Variants in NRG1 observed in about 807,000 individuals in gnomAD.
NRG1 encodes pro-neuregulin-1, membrane-bound isoform.
Under a neutral mutation model 63.8 loss-of-function variants are expected in NRG1, and 18 were observed. The observed-to-expected ratio is 0.28, with a 90% confidence interval of 0.19 to 0.42. The LOEUF is 0.42. Ranked by LOEUF, NRG1 falls within the 10% of genes least tolerant of loss-of-function variation. The probability of loss-of-function intolerance (pLI) is 1.00; values close to 1 mark genes in which losing one functional copy is unlikely to be tolerated. For synonymous variants in NRG1, 302 were observed against 301.3 expected (o/e 1.00, Z -0.02); for missense variants, 762 against 814.7 (o/e 0.94, Z 0.79).
intron 1 of NRG1, among the ~76,000 whole-genome samples, chr8:32,513,653 T>C (rs371808245): frequency 6.6e-6 from 1 of 152,294 alleles, no homozygotes; most frequent in African/African-American, 2.4e-5. Flanking sequence ...AGAAGTATCA[T>C]TGGATACAAA....
chr8:31,887,612 C>T (rs1249701120), intron 1 of NRG1, among the ~76,000 whole-genome samples: 2 of 152,004 alleles, frequency 1.3e-5, no homozygotes, highest in African/African-American at 4.8e-5. Flanking sequence ...GAACTGGGAG[C>T]AGTCCTAAGG....
At chr8:32,009,349 T>G (rs1178960963) in intron 1 of NRG1, among the ~76,000 whole-genome samples, 4 of 152,056 alleles carry the variant, frequency 2.6e-5, no homozygotes, top group Non-Finnish European at 5.9e-5. Flanking sequence ...ACACAATGGT[T>G]AACTTTACAT....
chr8:32,292,176 A>T (rs1854283088), intron 1 of NRG1, among the ~76,000 whole-genome samples: 3 of 152,212 alleles, frequency 2.0e-5, no homozygotes, highest in African/African-American at 7.2e-5. Flanking sequence ...TATGATCTTA[A>T]AACTATTTAT....
chr8:32,745,567 A>T (rs1264420839), intron 7 of NRG1, among the ~76,000 whole-genome samples: 1 of 152,150 alleles, frequency 6.6e-6, no homozygotes, highest in Non-Finnish European at 1.5e-5. Context: ...TATTTATAGT[A>T]CTTTCTAGGA....
chr8:32,394,815 A>G (rs865774929), intron 1 of NRG1, among the ~76,000 whole-genome samples: 1 of 152,174 alleles, frequency 6.6e-6, no homozygotes, highest in East Asian at 1.9e-4. Context: ...ACAAAAAAAC[A>G]GAAGTGTCAT....
intron 5 of NRG1, among the ~76,000 whole-genome samples, chr8:32,710,162 T>A (rs1401093032): frequency 7.9e-5 from 12 of 152,222 alleles, no homozygotes; most frequent in Admixed American, 7.9e-4. Context: ...GACCTATTTT[T>A]AAGAGTTTCT....
chr8:32,406,023 T>A (rs1007395472), intron 1 of NRG1, among the ~76,000 whole-genome samples: 1 of 152,150 alleles, frequency 6.6e-6, no homozygotes, highest in African/African-American at 2.4e-5. Context: ...GCCAGGGCAA[T>A]TGGGCTATGT....
At chr8:32,701,663 T>C (rs1380248063) in intron 5 of NRG1, among the ~76,000 whole-genome samples, 1 of 152,232 alleles carries the variant, frequency 6.6e-6, no homozygotes, top group Non-Finnish European at 1.5e-5. Context: ...AACTAAAAGA[T>C]GATTCACTTT....
At chr8:31,927,377 ATT>A (rs916875727) in intron 1 of NRG1, among the ~76,000 whole-genome samples, 1 of 148,834 alleles carries the variant, frequency 6.7e-6, no homozygotes, top group South Asian at 2.1e-4. Context: ...AGAAATCTGA[ATT>A]TTTTTTTCCT....
At chr8:31,857,930 T>C (rs559110290) in intron 1 of NRG1, among the ~76,000 whole-genome samples, 1 of 152,282 alleles carries the variant, frequency 6.6e-6, no homozygotes, top group South Asian at 2.1e-4. Flanking sequence ...GCCTTGAAGA[T>C]GAGGAGTGTA....
At chr8:32,006,903 T>C (rs1813869816) in intron 1 of NRG1, among the ~76,000 whole-genome samples, 1 of 152,010 alleles carries the variant, frequency 6.6e-6, no homozygotes, top group Non-Finnish European at 1.5e-5. Flanking sequence ...ACATGGGTGT[T>C]GTTTTAAGCC....
chr8:32,715,257 A>C (rs1417880102), intron 5 of NRG1, among the ~76,000 whole-genome samples: 1 of 152,106 alleles, frequency 6.6e-6, no homozygotes, highest in Non-Finnish European at 1.5e-5. Flanking sequence ...ACCCAACTGG[A>C]TTGCTGAATT....
chr8:32,086,003 C>G (rs1319582563), intron 1 of NRG1, among the ~76,000 whole-genome samples: 2 of 152,018 alleles, frequency 1.3e-5, no homozygotes, highest in Non-Finnish European at 2.9e-5. Context: ...AAGAGAGAAC[C>G]CTTCAGGTAG....
At chr8:31,948,014 G>C (rs1585992243) in intron 1 of NRG1, among the ~76,000 whole-genome samples, 1 of 139,318 alleles carries the variant, frequency 7.2e-6, no homozygotes, top group African/African-American at 2.7e-5. Context: ...TTAATTCTTT[G>C]ACTTAAATTA....
At chr8:32,169,280 T>A (rs1483013839) in intron 1 of NRG1, among the ~76,000 whole-genome samples, 1 of 152,196 alleles carries the variant, frequency 6.6e-6, no homozygotes, top group Non-Finnish European at 1.5e-5. Flanking sequence ...GTGGTCTTTT[T>A]CAGATACTAA....
chr8:32,653,696 C>A (rs1855649148), intron 5 of NRG1, among the ~76,000 whole-genome samples: 1 of 152,088 alleles, frequency 6.6e-6, no homozygotes, highest in Non-Finnish European at 1.5e-5. Flanking sequence ...ATTTTTGTTT[C>A]TATATTTTGC....
At chr8:31,732,545 G>A (rs1396580313) in intron 1 of NRG1, among the ~76,000 whole-genome samples, 1 of 152,018 alleles carries the variant, frequency 6.6e-6, no homozygotes, top group Non-Finnish European at 1.5e-5. Flanking sequence ...TTTGTTAGAT[G>A]GATAGATTGT....
intron 1 of NRG1, among the ~76,000 whole-genome samples, chr8:32,517,740 A>G (rs1172954559): frequency 6.6e-6 from 1 of 152,176 alleles, no homozygotes; most frequent in African/African-American, 2.4e-5. Context: ...GCTATTTATT[A>G]TATGTCATGT....
intron 1 of NRG1, among the ~76,000 whole-genome samples, chr8:32,541,353 T>C (rs1832553711): frequency 6.6e-6 from 1 of 152,144 alleles, no homozygotes; most frequent in Admixed American, 6.5e-5. Context: ...GTGGTATTAT[T>C]ACAATACATG....
Sources: gnomAD v4.1 joint callset for allele counts (sites outside exome capture counted in the v4.1 genomes callset) on GRCh38, gnomAD v4.1.1 for gene constraint, MANE v1.5 for transcripts, NCBI Gene and HGNC (gene_info 2026-07-23, HGNC 2026-07-21) for gene names.